UCP3: variants seen among roughly 807,000 people sequenced by gnomAD.
The protein encoded by UCP3 is uncoupling protein 3, also known as putative mitochondrial transporter UCP3.
A neutral mutation model predicts 28.1 loss-of-function variants in UCP3; 24 were observed. The ratio of observed to expected loss-of-function variants is 0.85; its 90% CI spans 0.62 to 1.20. The LOEUF (loss-of-function observed/expected upper bound fraction) is 1.20. UCP3 is among the 50% of genes most tolerant of loss of function. The pLI is 0.00. For synonymous variants in UCP3, 184 were observed against 171.2 expected (o/e 1.07, Z -0.59); for missense variants, 397 against 422.2 (o/e 0.94, Z 0.52).
At chr11:74,006,148 T>G in intron 3 of UCP3, 21 bp downstream of exon 3, 1 of 1,613,674 alleles carries the variant, frequency 6.2e-7, no homozygotes, top group Non-Finnish European at 8.5e-7. Flanking sequence ...CCCTTTGGTG[T>G]TCAGGGACCT....
At chr11:74,003,381 G>GAGGTGGCATTTGAACTCGTCTTGA in intron 6 of UCP3, 2 of 856,246 alleles carry the variant, frequency 2.3e-6, no homozygotes, top group Non-Finnish European at 2.8e-6. Flanking sequence ...TGTTAGGGAG[G>GAGGTGGCATTTGAACTCGTCTTGA]AGGTGGCATT....
chr11:74,008,679 G>T (rs550507571), intron 1 of UCP3, among the ~76,000 whole-genome samples: 49 of 152,272 alleles, frequency 3.2e-4, no homozygotes, highest in Non-Finnish European at 6.0e-4. Flanking sequence ...GCCACTTCCT[G>T]TCTATGGGGA....
rs1951619339 is a variant in UCP3 at position 74,001,225 on chromosome 11, T to C, written c.*187A>G. On this transcript the variant is annotated 3_prime_UTR_variant, in exon 7 of 7. Coordinates refer to ENST00000314032, the MANE Select transcript of UCP3 (RefSeq NM_003356.4). ...TTGTCAGTGCAAAACAAAGGTGTTC[T>C]TGAGGCATGGCAGTGAAGACCAGAA... 1.6e-6 allele frequency: 1 copy of C among 612,344 alleles called. No homozygotes were observed. The highest frequency in any genetic ancestry group is 2.9e-6 in the Non-Finnish European group (1 of 345,470). The allele number at this position is 612,344 out of a possible 1,614,324, so 37.9% of individuals were successfully genotyped here.
chr11:74,001,253 C>A lies in UCP3; in HGVS notation c.*159G>T. ...AGGCATGGCAGTGAAGACCAGAATC[C>A]CTCCTCCTCTTCTACTTCTGTTTCT... is the stretch of plus-strand genomic sequence containing the variant. On this transcript the variant is annotated 3_prime_UTR_variant, in exon 7 of 7. Transcript: ENST00000314032. The A allele has an allele frequency of 1.5e-6, 1 of 680,262 alleles. No homozygotes were observed. 42.1% of individuals were successfully genotyped at this position (680,262 alleles called of 1,614,324 possible).
chr11:74,008,139 T>C (rs1325010479), intron 1 of UCP3, among the ~76,000 whole-genome samples: 1 of 152,176 alleles, frequency 6.6e-6, no homozygotes, highest in Non-Finnish European at 1.5e-5. Context: ...ACCTGAGGCT[T>C]CCAGGGCTTT....
chr11:74,001,029 C>T lies in UCP3; in HGVS notation c.*383G>A, dbSNP rs1019438490. 5 of 287,302 alleles carry T rather than the reference C, an allele frequency of 1.7e-5. No homozygotes were observed. Among genetic ancestry groups the T allele is most frequent in the Non-Finnish European group, 3.3e-5 (5 of 151,396 alleles). 17.8% of individuals were successfully genotyped at this position (287,302 alleles called of 1,614,324 possible). A position where few individuals can be genotyped will look rare whatever the true frequency, so the allele number is the denominator to read the frequency against. On this transcript the variant is annotated 3_prime_UTR_variant, in exon 7 of 7. Coordinates refer to ENST00000314032, the MANE Select transcript of UCP3 (RefSeq NM_003356.4). ...ACTCCATTGTGGGCCCCTCCTGTCC[C>T]GTGCTTGCCATCCTTCCTGCTTATC...
At chr11:74,006,876 C>T (rs748496766) in intron 2 of UCP3, 41 bp downstream of exon 2, 2 of 1,613,972 alleles carry the variant, frequency 1.2e-6, no homozygotes, top group Admixed American at 3.3e-5. Flanking sequence ...ACTAGCCCCT[C>T]CTTCCATGTG....
rs545345588 is a variant in UCP3, at chr11:74,001,934, C to G, written c.825-408G>C. The G allele has an allele frequency of 4.3e-4, 119 of 274,592 alleles. 1 individual carries two copies. Among genetic ancestry groups the G allele is most frequent in the South Asian group, 4.3e-3 (113 of 26,208 alleles). 17.0% of individuals were successfully genotyped at this position (274,592 alleles called of 1,614,324 possible). A position where few individuals can be genotyped will look rare whatever the true frequency, so the allele number is the denominator to read the frequency against. ...TGGGTGTTTCTGGGCTCAGTTACACCCCGGGTGGCCAGCCCTAACATGGCC... is the reference window on the plus strand; with the variant it reads ...TGGGTGTTTCTGGGCTCAGTTACACGCCGGGTGGCCAGCCCTAACATGGCC... On this transcript the variant is annotated intron_variant, in intron 6 of 6. Transcript: ENST00000314032.
chr11:74,004,553 C>G lies in UCP3; in HGVS notation c.574G>C (p.Val192Leu). The G allele has an allele frequency of 6.2e-7, 1 of 1,613,830 alleles. No individual in the cohort carries two copies. Among genetic ancestry groups the G allele is most frequent in the African/African-American group, 1.3e-5 (1 of 75,000 alleles). Residue 192 changes from valine to leucine, a missense_variant, in exon 5 of 7, where the codon GTC (valine) becomes CTC (leucine). Transcript: ENST00000314032. Reference protein sequence around the residue: ...TLPNIMRNAIVNCAEVVTYDI... With the variant: ...TLPNIMRNAILNCAEVVTYDI... ...TAGGTCACCACCTCAGCACAGTTGA[C>G]GATAGCATTCCTCATGATGTTGGGC...
At position 74,003,962 on chromosome 11, in the gene UCP3, C is replaced by T; in HGVS notation, c.689G>A (p.Cys230Tyr). The T allele has an allele frequency of 1.2e-6, 2 of 1,614,080 alleles. No individual in the cohort carries two copies. The highest frequency in any genetic ancestry group is 1.7e-6 in the Non-Finnish European group (2 of 1,180,034). Residue 230 changes from cysteine to tyrosine, a missense_variant, in exon 6 of 7, where the codon TGT (cysteine) becomes TAT (tyrosine). Physicochemically the swap from Cys to Tyr is radical, Grantham distance 194. Coordinates refer to ENST00000314032, the MANE Select transcript of UCP3 (RefSeq NM_003356.4). ...CACCGGGGAGGCCACCACTGTGGCA[C>T]AGAAGCCGGCTCCAAAGGCAGAGAC... ...HFVSAFGAGF[C>Y]ATVVASPVDV... is the part of the protein sequence containing the mutation.
At position 74,001,227 on chromosome 11, in the gene UCP3, G is replaced by C. The variant is rs1214624888; in HGVS notation, c.*185C>G. On this transcript the variant is annotated 3_prime_UTR_variant, in exon 7 of 7. Coordinates refer to ENST00000314032, the MANE Select transcript of UCP3 (RefSeq NM_003356.4). ...GTCAGTGCAAAACAAAGGTGTTCTT[G>C]AGGCATGGCAGTGAAGACCAGAATC... 2 of 611,672 alleles carry C rather than the reference G, an allele frequency of 3.3e-6. No homozygotes were observed. The highest frequency in any genetic ancestry group is 2.9e-5 in the Admixed American group (1 of 34,282). 37.9% of individuals were successfully genotyped at this position (611,672 alleles called of 1,614,324 possible).
intron 6 of UCP3, chr11:74,002,646 C>T (rs1951630176): frequency 1.6e-6 from 1 of 622,744 alleles, no homozygotes; most frequent in South Asian, 7.1e-5. Flanking sequence ...GGAGGCATAA[C>T]CCAGGGCCTG....
In UCP3 at chr11:74,006,907, G is replaced by A; in HGVS notation, c.126+10C>T. Reference sequence around the variant, plus strand: ...ATGTGATCAATGACCCTTGGCCAAAGGGCACCTACCTGCAGGCGGACCTTG... The same window carrying A: ...ATGTGATCAATGACCCTTGGCCAAAAGGCACCTACCTGCAGGCGGACCTTG... On this transcript the variant is annotated intron_variant, in intron 2 of 6. Coordinates refer to ENST00000314032, the MANE Select transcript of UCP3 (RefSeq NM_003356.4). 1 of 1,614,152 alleles carries A rather than the reference G, an allele frequency of 6.2e-7. No homozygotes were observed. Among genetic ancestry groups the A allele is most frequent in the Non-Finnish European group, 8.5e-7 (1 of 1,180,038 alleles).
In UCP3 at chr11:74,006,346, G is replaced by T. The variant is rs368049853; in HGVS notation, c.160C>A (p.Arg54=). The change falls in exon 3 of 7, where the codon CGG becomes AGG. Residue 54 remains arginine (R), a synonymous_variant. Coordinates refer to ENST00000314032, the MANE Select transcript of UCP3 (RefSeq NM_003356.4). The part of the protein sequence containing the change: ...QGENQAVQTA[R]LVQYRGVLGT... ...AGCACGCCACGGTACTGCACGAGCC[G>T]GGCCGTCTGGACCGCCTGGTTCTCC... The T allele has an allele frequency of 6.3e-7, 1 of 1,588,352 alleles. No homozygotes were observed. Among genetic ancestry groups the T allele is most frequent in the Non-Finnish European group, 8.6e-7 (1 of 1,168,978 alleles).
chr11:74,001,640 C>G (rs753109641), intron 6 of UCP3, 114 bp from the exon 7 acceptor site: 5 of 885,364 alleles, frequency 5.6e-6, no homozygotes, highest in Non-Finnish European at 9.2e-6. Flanking sequence ...CTGTTCATCA[C>G]AAGCATTTTC....
At chr11:74,003,340 C>T (rs1236489417) in intron 6 of UCP3, 1 of 494,902 alleles carries the variant, frequency 2.0e-6, no homozygotes, top group Non-Finnish European at 2.6e-6. Context: ...GCAGAAGTTC[C>T]CAGGGAGGAG....
chr11:74,007,027 G>C lies in UCP3; in HGVS notation c.16C>G (p.Pro6Ala). ...GCCATGGTGGGAGGCACGTCTGAAG[G>C]CTTCAGTCCAACCATAGTCCTGGAA... MVGLK[P>A]SDVPPTMAVK... The change falls in exon 2 of 7, where the codon CCT (proline) becomes GCT (alanine). Residue 6 changes from proline (P) to alanine (A), a missense_variant. By Grantham distance (27) the Pro-to-Ala change is conservative. Coordinates refer to ENST00000314032, the MANE Select transcript of UCP3 (RefSeq NM_003356.4). 6.2e-7 allele frequency: 1 copy of C among 1,614,052 alleles called. No individual in the cohort carries two copies.
rs989239412 is a variant in UCP3 at position 74,004,481 on chromosome 11, C to T, written c.643+3G>A. On this transcript the variant is annotated splice_donor_region_variant and intron_variant, in intron 5 of 6. Transcript: ENST00000314032. ...GCTGCCTGCCTGGAGCCCAGGGCCTCACCAGTGAGCAGGTGGTAGTCCAGC... is the reference window on the plus strand; with the variant it reads ...GCTGCCTGCCTGGAGCCCAGGGCCTTACCAGTGAGCAGGTGGTAGTCCAGC... 6.2e-7 allele frequency: 1 copy of T among 1,613,994 alleles called. No individual in the cohort carries two copies. Among genetic ancestry groups the T allele is most frequent in the African/African-American group, 1.3e-5 (1 of 74,938 alleles).
chr11:74,005,925 G>A lies in UCP3; in HGVS notation c.346C>T (p.Leu116Phe). 6.2e-7 allele frequency: 1 copy of A among 1,614,150 alleles called. No homozygotes were observed. Among genetic ancestry groups the A allele is most frequent in the Non-Finnish European group, 8.5e-7 (1 of 1,180,026 alleles). ...YTPKGADNSS[L>F]TTRILAGCTT... Reference sequence around the variant, plus strand: ...CAGCCGGCCAAAATCCGGGTAGTGAGGCTGGAGTCTGGGAGGGGCAGAGAG... The same window carrying A: ...CAGCCGGCCAAAATCCGGGTAGTGAAGCTGGAGTCTGGGAGGGGCAGAGAG... The change falls in exon 4 of 7, where the codon CTC becomes TTC. Residue 116 changes from leucine to phenylalanine, a missense_variant. By Grantham distance (22) the Leu-to-Phe change is conservative. Transcript: ENST00000314032.
Sources: allele counts gnomAD v4.1 joint callset (sites outside exome capture counted in the v4.1 genomes callset), GRCh38; gene constraint gnomAD v4.1.1; transcripts MANE v1.5; gene names NCBI Gene and HGNC (gene_info 2026-07-23, HGNC 2026-07-21).